The following ZMYM2 variants were observed in gnomAD, a reference collection of about 807,000 sequenced individuals.
ZMYM2 encodes zinc finger MYM-type containing 2.
A neutral mutation model predicts 162.8 loss-of-function variants in ZMYM2; 56 were observed. That is an observed-to-expected ratio of 0.34 (90% confidence interval 0.28 to 0.43). The LOEUF is 0.43. ZMYM2 is among the 20% of genes least tolerant of loss of function. The pLI, the probability that ZMYM2 is intolerant of heterozygous loss-of-function variation, is 1.00. For synonymous variants in ZMYM2, 510 were observed against 541.6 expected (o/e 0.94, Z 0.81); for missense variants, 1,275 against 1,621.8 (o/e 0.79, Z 3.67).
At chr13:19,909,536 G>A in the ZMYM2 span, among the ~76,000 whole-genome samples, 4 of 147,832 alleles carry the variant, frequency 2.7e-5, no homozygotes, top group South Asian at 9.0e-4. Flanking sequence ...AGTTTCAAGC[G>A]ATTCTCCCGC....
At position 19,976,799 on chromosome 13, in the gene ZMYM2, T is replaced by C. The variant is rs138045397; in HGVS notation, c.-10-16264T>C. Reference sequence around the variant, plus strand: ...TTTTAGGTCTGAGTAGTTTATAGTGTTGTTTAAGCCCCTTCCATTTCCTTA... The same window carrying C: ...TTTTAGGTCTGAGTAGTTTATAGTGCTGTTTAAGCCCCTTCCATTTCCTTA... On this transcript the variant is annotated intron_variant, in intron 2 of 24. Coordinates refer to ENST00000610343, the MANE Select transcript of ZMYM2 (RefSeq NM_197968.4). Among the ~76,000 whole-genome samples, 173 of 152,322 alleles carry C rather than the reference T, an allele frequency of 1.1e-3. 1 individual carries two copies. The Middle Eastern group carries it at 0.017, about 15-fold the overall frequency.
chr13:20,083,141 C>T (rs1958017616), intron 23 of ZMYM2, 109 bp downstream of exon 23: 6 of 1,166,406 alleles, frequency 5.1e-6, no homozygotes, highest in Non-Finnish European at 7.1e-6. Flanking sequence ...CGGCTCACCG[C>T]AACCTCTACC....
chr13:19,976,516 C>G (rs1276338107), intron 2 of ZMYM2, among the ~76,000 whole-genome samples: 2 of 151,918 alleles, frequency 1.3e-5, no homozygotes, highest in Non-Finnish European at 2.9e-5. Flanking sequence ...ATCTCCAGAC[C>G]TTTTTTATTT....
At chr13:19,948,957 GTGTTTT>G in the ZMYM2 span, among the ~76,000 whole-genome samples, 1 of 152,204 alleles carries the variant, frequency 6.6e-6, no homozygotes, top group Non-Finnish European at 1.5e-5. Flanking sequence ...TTGTGTGTAT[GTGTTTT>G]TGTTTTGTTT....
At chr13:20,006,272 C>T in intron 5 of ZMYM2, 102 bp from the exon 6 acceptor site, 1 of 1,203,090 alleles carries the variant, frequency 8.3e-7, no homozygotes, top group Non-Finnish European at 1.1e-6. Context: ...TTTCTCCAAA[C>T]AAGCCTTATT....
the ZMYM2 span, among the ~76,000 whole-genome samples, chr13:19,951,558 C>CG: frequency 3.8e-5 from 4 of 104,580 alleles, no homozygotes; most frequent in East Asian, 3.1e-4. Context: ...AAAAATTTAC[C>CG]GGGGGTCGTG....
chr13:19,886,162 C>CTTTTTTTTTTTTTTT, the ZMYM2 span, among the ~76,000 whole-genome samples: 6 of 98,446 alleles, frequency 6.1e-5, no homozygotes, highest in African/African-American at 8.0e-5. Context: ...TTCTTTCTTT[C>CTTTTTTTTTTTTTTT]TTTTTTTTTT....
At chr13:20,067,890 G>A (rs1441743306) in intron 21 of ZMYM2, among the ~76,000 whole-genome samples, 3 of 152,102 alleles carry the variant, frequency 2.0e-5, no homozygotes, top group Non-Finnish European at 4.4e-5. Context: ...TTTGTGCCCA[G>A]AAGTCAGAAA....
chr13:19,932,706 A>G, the ZMYM2 span, among the ~76,000 whole-genome samples: 1 of 152,112 alleles, frequency 6.6e-6, no homozygotes, highest in African/African-American at 2.4e-5. Context: ...CCATGTGAAC[A>G]TGTGAAGATC....
At chr13:20,037,463 G>A (rs533705839) in intron 12 of ZMYM2, among the ~76,000 whole-genome samples, 8 of 151,906 alleles carry the variant, frequency 5.3e-5, no homozygotes, top group East Asian at 1.9e-4. Flanking sequence ...TGATCTGCCC[G>A]CCTCAGCCCC....
At chr13:19,929,832 C>T in the ZMYM2 span, among the ~76,000 whole-genome samples, 6 of 152,188 alleles carry the variant, frequency 3.9e-5, no homozygotes, top group Admixed American at 6.5e-5. Context: ...ACTTGTAAAC[C>T]GTATGAACCT....
intron 10 of ZMYM2, among the ~76,000 whole-genome samples, chr13:20,033,116 T>G (rs1331605564): frequency 2.6e-5 from 4 of 151,940 alleles, no homozygotes; most frequent in Non-Finnish European, 5.9e-5. Context: ...GAAGGCCCAG[T>G]AAGAGGTAAT....
upstream of ZMYM2, among the ~76,000 whole-genome samples, chr13:19,957,826 C>T (rs375250498): frequency 5.3e-5 from 8 of 152,350 alleles, no homozygotes; most frequent in South Asian, 8.3e-4. Flanking sequence ...GCCCGCAGCT[C>T]CCTCCATCTT....
chr13:19,943,622 C>T, the ZMYM2 span, among the ~76,000 whole-genome samples: 7 of 152,156 alleles, frequency 4.6e-5, no homozygotes, highest in Admixed American at 3.9e-4. Flanking sequence ...GGAGGCACCT[C>T]GCCTTAATGC....
Position 20,051,798 on chromosome 13 carries a change from A to G in ZMYM2, c.2458+200A>G, listed in dbSNP as rs183444459. Among the ~76,000 whole-genome samples the G allele has an allele frequency of 1.8e-4, 27 of 152,214 alleles. 1 individual carries two copies. In the East Asian group the frequency reaches 4.2e-3, roughly 24 times the overall value. ...CTTTTAGTTTTATTGTCTTTTTGAA[A>G]TTTCATGCTAATTGAGAAAAGGCAT... is the stretch of plus-strand genomic sequence containing the variant. On this transcript the variant is annotated intron_variant, in intron 13 of 24. Coordinates refer to ENST00000610343, the MANE Select transcript of ZMYM2 (RefSeq NM_197968.4).
chr13:19,938,374 T>G, the ZMYM2 span, among the ~76,000 whole-genome samples: 1 of 152,112 alleles, frequency 6.6e-6, no homozygotes, highest in Non-Finnish European at 1.5e-5. Context: ...CCGGGCGTGA[T>G]GGTGCGCACC....
At chr13:19,940,890 A>C in the ZMYM2 span, among the ~76,000 whole-genome samples, 1 of 152,250 alleles carries the variant, frequency 6.6e-6, no homozygotes, top group Non-Finnish European at 1.5e-5. Context: ...TATGCCAGGC[A>C]TGGGAATGCA....
Position 20,019,613 on chromosome 13 carries a change from C to G in ZMYM2, c.1579C>G (p.Pro527Ala), listed in dbSNP as rs1224408215. The G allele has an allele frequency of 1.3e-6, 2 of 1,593,096 alleles. No individual in the cohort carries two copies. Among genetic ancestry groups the G allele is most frequent in the South Asian group, 1.1e-5 (1 of 87,186 alleles). ...DHMQDSFLMQ[P>A]EKYGKLTTCT... ...CATGCAGGACTCTTTCTTAATGCAG[C>G]CTGAGGTAAGCAGGAATGTAAATGG... Residue 527 changes from proline to alanine, a missense_variant, in exon 7 of 25, where the codon CCT (proline) becomes GCT (alanine). This residue lies in a region of ZMYM2 where 276 missense variants were observed against 311.8 expected (regional missense o/e 0.89). Coordinates refer to ENST00000610343, the MANE Select transcript of ZMYM2 (RefSeq NM_197968.4).
chr13:20,062,245 G>C (rs961677017), intron 17 of ZMYM2, among the ~76,000 whole-genome samples: 2 of 152,188 alleles, frequency 1.3e-5, no homozygotes, highest in African/African-American at 4.8e-5. Context: ...GTGGAATAGG[G>C]TAAGAGAAAT....
Sources: gnomAD v4.1 joint callset for allele counts (sites outside exome capture counted in the v4.1 genomes callset) on GRCh38, gnomAD v4.1.1 for gene constraint, gnomAD v4.1.1 regional missense constraint, MANE v1.5 for transcripts, NCBI Gene and HGNC (gene_info 2026-07-23, HGNC 2026-07-21) for gene names.